ZFPM2: variants seen among roughly 807,000 people sequenced by gnomAD.
ZFPM2 encodes zinc finger protein, FOG family member 2, also known as zinc finger protein ZFPM2.
ZFPM2 carries 20 observed loss-of-function variants against 98.6 expected under a neutral mutation model. That is an observed-to-expected ratio of 0.20 (90% CI 0.14 to 0.29). The LOEUF (loss-of-function observed/expected upper bound fraction) is 0.29, where lower values mean the gene tolerates loss of function less well. ZFPM2 is among the 10% of genes least tolerant of loss of function. The probability of loss-of-function intolerance (pLI) is 1.00; values close to 1 mark genes in which losing one functional copy is unlikely to be tolerated. For synonymous variants in ZFPM2, 518 were observed against 502.7 expected (o/e 1.03, Z -0.41); for missense variants, 1,310 against 1,388.6 (o/e 0.94, Z 0.90).
intron 5 of ZFPM2, among the ~76,000 whole-genome samples, chr8:105,700,235 ATT>A (rs1811111333): frequency 6.6e-6 from 1 of 152,180 alleles, no homozygotes. Flanking sequence ...GTGGCTATGG[ATT>A]TTGAAGTTAT....
chr8:105,407,295 T>A (rs1429047697), intron 1 of ZFPM2, among the ~76,000 whole-genome samples: 2 of 151,898 alleles, frequency 1.3e-5, no homozygotes, highest in East Asian at 3.9e-4. Flanking sequence ...CAATATATTT[T>A]ACTTCACGCT....
intron 3 of ZFPM2, among the ~76,000 whole-genome samples, chr8:105,515,368 A>G (rs1214142694): frequency 6.6e-6 from 1 of 152,172 alleles, no homozygotes; most frequent in East Asian, 1.9e-4. Flanking sequence ...ATTGTGTGCT[A>G]TGTGCCAGGC....
intron 4 of ZFPM2, among the ~76,000 whole-genome samples, chr8:105,568,534 C>A (rs997697633): frequency 1.3e-5 from 2 of 152,156 alleles, no homozygotes; most frequent in African/African-American, 4.8e-5. Context: ...CCAAGACTCT[C>A]CATTTCATGT....
chr8:105,683,275 C>T (rs1810651626), intron 5 of ZFPM2, among the ~76,000 whole-genome samples: 1 of 152,082 alleles, frequency 6.6e-6, no homozygotes, highest in African/African-American at 2.4e-5. Flanking sequence ...TGCCTGACCC[C>T]ATTGGTATGT....
At chr8:105,506,702 T>C (rs1459760131) in intron 3 of ZFPM2, among the ~76,000 whole-genome samples, 1 of 152,132 alleles carries the variant, frequency 6.6e-6, no homozygotes, top group Non-Finnish European at 1.5e-5. Context: ...AATAAAATCA[T>C]ATACATTAAC....
intron 3 of ZFPM2, among the ~76,000 whole-genome samples, chr8:105,560,680 T>C (rs35776055): frequency 0.12 from 18,292 of 151,898 alleles, 1,176 homozygotes; most frequent in Admixed American, 0.17. Context: ...TTTATGCAAG[T>C]GTGTATACTG....
chr8:105,481,722 A>G (rs1813123461), intron 3 of ZFPM2, among the ~76,000 whole-genome samples: 1 of 152,162 alleles, frequency 6.6e-6, no homozygotes, highest in Non-Finnish European at 1.5e-5. Context: ...TAAGTAGGTA[A>G]GTTAGCATGT....
chr8:105,782,797 T>A (rs1352906458), intron 5 of ZFPM2, among the ~76,000 whole-genome samples: 1 of 152,188 alleles, frequency 6.6e-6, no homozygotes, highest in Non-Finnish European at 1.5e-5. Context: ...CAGAATTCCA[T>A]TTGTTTTCAT....
chr8:105,435,208 C>T (rs540472105), intron 2 of ZFPM2, among the ~76,000 whole-genome samples: 33 of 152,188 alleles, frequency 2.2e-4, no homozygotes, highest in Non-Finnish European at 4.4e-4. Flanking sequence ...CCACAAAATA[C>T]GTATGATATC....
chr8:105,547,566 A>T, intron 3 of ZFPM2, among the ~76,000 whole-genome samples: 1 of 149,518 alleles, frequency 6.7e-6, no homozygotes, highest in South Asian at 2.1e-4. Flanking sequence ...AAAAAAAAAA[A>T]AAAGAAATCA....
chr8:105,564,179 G>A (rs184946926), intron 4 of ZFPM2, among the ~76,000 whole-genome samples: 7 of 151,898 alleles, frequency 4.6e-5, no homozygotes, highest in South Asian at 2.1e-4. Flanking sequence ...TTTAAAAGGC[G>A]TTAACTTATA....
chr8:105,330,374 G>A (rs1368348397), intron 1 of ZFPM2, among the ~76,000 whole-genome samples: 2 of 150,878 alleles, frequency 1.3e-5, no homozygotes, highest in Non-Finnish European at 3.0e-5. Context: ...GAAAACACTT[G>A]TGCCAGAACC....
intron 4 of ZFPM2, among the ~76,000 whole-genome samples, chr8:105,566,064 G>A (rs1244557408): frequency 1.3e-5 from 2 of 152,048 alleles, no homozygotes; most frequent in African/African-American, 4.8e-5. Flanking sequence ...CAGTCTTTTT[G>A]GTCTATTCGG....
At chr8:105,362,733 G>C (rs1810430914) in intron 1 of ZFPM2, among the ~76,000 whole-genome samples, 1 of 152,100 alleles carries the variant, frequency 6.6e-6, no homozygotes, top group Admixed American at 6.6e-5. Flanking sequence ...GGAAGTAGCA[G>C]CTTTGTGAAC....
chr8:105,673,187 C>CTTTTTTTTTTTTTTTTTTTTTTTTT (rs5893754), intron 5 of ZFPM2, among the ~76,000 whole-genome samples: 8 of 87,524 alleles, frequency 9.1e-5, no homozygotes, highest in South Asian at 4.7e-4. Flanking sequence ...AAATAGCATG[C>CTTTTTTTTTTTTTTTTTTTTTTTTT]TTTTTTTTTT....
intron 3 of ZFPM2, among the ~76,000 whole-genome samples, chr8:105,509,357 C>T (rs1246807365): frequency 6.6e-6 from 1 of 152,136 alleles, no homozygotes; most frequent in Non-Finnish European, 1.5e-5. Flanking sequence ...GGAGACTTTC[C>T]ACTCACCGAG....
intron 1 of ZFPM2, among the ~76,000 whole-genome samples, chr8:105,418,045 T>C (rs1811712564): frequency 6.6e-5 from 10 of 152,158 alleles, no homozygotes; most frequent in Admixed American, 6.6e-4. Flanking sequence ...ACGATACTTA[T>C]TCTTATTTAT....
At chr8:105,750,452 A>G (rs2131051171) in intron 5 of ZFPM2, among the ~76,000 whole-genome samples, 1 of 152,138 alleles carries the variant, frequency 6.6e-6, no homozygotes, top group South Asian at 2.1e-4. Context: ...AGTAGGTGAA[A>G]TTGGGTTCTA....
chr8:105,385,907 G>A (rs904820344), intron 1 of ZFPM2, among the ~76,000 whole-genome samples: 2 of 152,182 alleles, frequency 1.3e-5, no homozygotes, highest in Admixed American at 6.5e-5. Flanking sequence ...TATGGGTTCT[G>A]AGGTCAGAAC....
Sources: gnomAD v4.1 joint callset for allele counts (sites outside exome capture counted in the v4.1 genomes callset) on GRCh38, gnomAD v4.1.1 for gene constraint, MANE v1.5 for transcripts, NCBI Gene and HGNC (gene_info 2026-07-23, HGNC 2026-07-21) for gene names.